Variants in NPSR1 observed in about 807,000 individuals in gnomAD.
The protein encoded by NPSR1 is neuropeptide S receptor.
In NPSR1, 48 loss-of-function variants were observed where a neutral mutation model predicts 46.9. The ratio of observed to expected loss-of-function variants is 1.02; its 90% CI spans 0.81 to 1.30. The LOEUF is 1.30. NPSR1 is among the 50% of genes most tolerant of loss of function. The pLI, the probability that NPSR1 is intolerant of heterozygous loss-of-function variation, is 0.00. For missense variants in NPSR1, 450 were observed against 449.5 expected (o/e 1.00, Z -0.01); for synonymous variants, 176 against 168.1 (o/e 1.05, Z -0.36).
At chr7:34,830,233 G>A (rs11970820) in intron 5 of NPSR1, among the ~76,000 whole-genome samples, 70 of 152,218 alleles carry the variant, frequency 4.6e-4, no homozygotes, top group African/African-American at 1.7e-3. Flanking sequence ...TCTGAGTAAG[G>A]TTAAATTCTT....
Position 34,849,667 on chromosome 7 carries a change from G to C in NPSR1, c.*12G>C, listed in dbSNP as rs772504851. On this transcript the variant is annotated 3_prime_UTR_variant, in exon 9 of 9. Coordinates refer to ENST00000360581, the MANE Select transcript of NPSR1 (RefSeq NM_207172.2). ...CAGAATTCATCTAGACCCTAGGGCA[G>C]TGCCAGTGCTAGGCTGAGCACCATC... is the stretch of plus-strand genomic sequence containing the variant. 1 of 1,614,006 alleles carries C rather than the reference G, an allele frequency of 6.2e-7. No individual in the cohort carries two copies. The highest frequency in any genetic ancestry group is 8.5e-7 in the Non-Finnish European group (1 of 1,179,968).
At chr7:34,666,634 T>G (rs1791765378) in intron 1 of NPSR1, among the ~76,000 whole-genome samples, 1 of 152,120 alleles carries the variant, frequency 6.6e-6, no homozygotes, top group Non-Finnish European at 1.5e-5. Flanking sequence ...AAAAAATAAA[T>G]CTTTGTTTAA....
In NPSR1 at chr7:34,672,559, C is replaced by G. The variant is rs147844062; in HGVS notation, c.148-11993C>G. Among the ~76,000 whole-genome samples the G allele has an allele frequency of 3.4e-3, 525 of 152,278 alleles. 4 individuals carry two copies. Among genetic ancestry groups the G allele is most frequent in the African/African-American group, 0.013 (520 of 41,554 alleles). Reference sequence around the variant, plus strand: ...TGTTAATAAAGCATGATCTACGGCCCATGGTACTGATGATAAAAACTCCAA... The same window carrying G: ...TGTTAATAAAGCATGATCTACGGCCGATGGTACTGATGATAAAAACTCCAA... On this transcript the variant is annotated intron_variant, in intron 1 of 8. Coordinates refer to ENST00000360581, the MANE Select transcript of NPSR1 (RefSeq NM_207172.2).
chr7:34,858,265 C>T (rs1250567570), intron 8 of NPSR1, among the ~76,000 whole-genome samples: 2 of 151,530 alleles, frequency 1.3e-5, no homozygotes, highest in East Asian at 3.9e-4. Flanking sequence ...ATTATAAGAG[C>T]CTCAAATTGG....
intron 2 of NPSR1, among the ~76,000 whole-genome samples, chr7:34,764,007 C>T (rs947482311): frequency 2.0e-5 from 3 of 152,186 alleles, no homozygotes; most frequent in Admixed American, 2.0e-4. Context: ...CAATGAGATT[C>T]TGCCTTAGAT....
intron 1 of NPSR1, among the ~76,000 whole-genome samples, chr7:34,678,331 C>T (rs1792432685): frequency 6.7e-6 from 1 of 149,996 alleles, no homozygotes; most frequent in Non-Finnish European, 1.5e-5. Flanking sequence ...AAGCGATTCT[C>T]CTGGCTCAGC....
chr7:34,750,376 T>G lies in NPSR1; in HGVS notation c.281-28086T>G, dbSNP rs1785456343. On this transcript the variant is annotated intron_variant, in intron 2 of 8. Coordinates refer to ENST00000360581, the MANE Select transcript of NPSR1 (RefSeq NM_207172.2). ...CATCACTTGAGAAGACAACTTTTGG[T>G]TTCTTTTCGGAAGCTCGCTGCTGGG... The G allele has an allele frequency of 5.4e-6, 4 of 740,682 alleles. No individual in the cohort carries two copies. In the East Asian group the frequency reaches 1.0e-4, roughly 19 times the overall value. The allele number at this position is 740,682 out of a possible 1,614,324, so 45.9% of individuals were successfully genotyped here. A position where few individuals can be genotyped will look rare whatever the true frequency, so the allele number is the denominator to read the frequency against.
At chr7:34,665,618 C>G (rs1205297958) in intron 1 of NPSR1, among the ~76,000 whole-genome samples, 1 of 152,158 alleles carries the variant, frequency 6.6e-6, no homozygotes, top group Non-Finnish European at 1.5e-5. Context: ...TCTGGATATG[C>G]CTTTCTCACA....
chr7:34,748,065 A>G (rs10226373), intron 2 of NPSR1, among the ~76,000 whole-genome samples: 23,538 of 152,196 alleles, frequency 0.15, 2,177 homozygotes, highest in East Asian at 0.33. Flanking sequence ...GCTCACAGCA[A>G]AAGGGCCTCT....
At chr7:34,771,322 C>T (rs1266109446) in intron 2 of NPSR1, among the ~76,000 whole-genome samples, 1 of 152,058 alleles carries the variant, frequency 6.6e-6, no homozygotes, top group East Asian at 1.9e-4. Context: ...ACGTACTGTT[C>T]CCAACTACTC....
intron 8 of NPSR1, among the ~76,000 whole-genome samples, chr7:34,849,133 G>A (rs1790848439): frequency 1.3e-5 from 2 of 152,216 alleles, no homozygotes; most frequent in Non-Finnish European, 2.9e-5. Context: ...TTTTTCAGCT[G>A]TTTTCCTGCA....
chr7:34,875,965 C>T (rs1476240593), intron 8 of NPSR1, among the ~76,000 whole-genome samples: 1 of 152,152 alleles, frequency 6.6e-6, no homozygotes, highest in South Asian at 2.1e-4. Context: ...TCCTCAGAAA[C>T]ACTGTGGCTC....
At chr7:34,797,091 T>C (rs1788206950) in intron 3 of NPSR1, among the ~76,000 whole-genome samples, 1 of 152,178 alleles carries the variant, frequency 6.6e-6, no homozygotes, top group South Asian at 2.1e-4. Context: ...AGTGACAGTC[T>C]GAGAAGCTAC....
chr7:34,773,336 C>T (rs1396411502), intron 2 of NPSR1, among the ~76,000 whole-genome samples: 2 of 152,128 alleles, frequency 1.3e-5, no homozygotes, highest in Non-Finnish European at 2.9e-5. Context: ...GTATGTAATA[C>T]AAACAGTAGG....
chr7:34,761,148 C>T (rs10486656), intron 2 of NPSR1: 10,908 of 152,796 alleles, frequency 0.071, 522 homozygotes, highest in Non-Finnish European at 0.11. Context: ...GAAGCGGATG[C>T]TGAAACAGAG....
intron 2 of NPSR1, chr7:34,751,711 G>T: frequency 1.9e-6 from 3 of 1,586,296 alleles, no homozygotes; most frequent in Non-Finnish European, 2.6e-6. Context: ...GAGCATTGTG[G>T]GAGACTCCTT....
chr7:34,857,448 A>G (rs1171946945), intron 8 of NPSR1, among the ~76,000 whole-genome samples: 9 of 151,852 alleles, frequency 5.9e-5, no homozygotes, highest in Admixed American at 5.9e-4. Context: ...AGTCCAGGGA[A>G]AGATGCCCAC....
chr7:34,858,989 C>T (rs1297012083), intron 8 of NPSR1, among the ~76,000 whole-genome samples: 1 of 151,500 alleles, frequency 6.6e-6, no homozygotes, highest in East Asian at 1.9e-4. Flanking sequence ...CAGAGAGAGG[C>T]TGGCAGAGTC....
intron 2 of NPSR1, among the ~76,000 whole-genome samples, chr7:34,716,390 G>T (rs1783568208): frequency 6.6e-6 from 1 of 152,134 alleles, no homozygotes; most frequent in Non-Finnish European, 1.5e-5. Flanking sequence ...CTTCAACTTT[G>T]ACTTAAGAAG....
Sources: allele counts gnomAD v4.1 joint callset (sites outside exome capture counted in the v4.1 genomes callset), GRCh38; gene constraint gnomAD v4.1.1; transcripts MANE v1.5; gene names NCBI Gene and HGNC (gene_info 2026-07-23, HGNC 2026-07-21).